The following PPM1E variants were observed in gnomAD, a reference collection of about 807,000 sequenced individuals.
PPM1E encodes protein phosphatase, Mg2+/Mn2+ dependent 1E, also known as protein phosphatase 1E.
Under a neutral mutation model 65.9 loss-of-function variants are expected in PPM1E, and 20 were observed. The ratio of observed to expected loss-of-function variants is 0.30; its 90% CI spans 0.21 to 0.44. PPM1E has a LOEUF of 0.44. PPM1E is among the 20% of genes least tolerant of loss of function. The probability of loss-of-function intolerance (pLI) is 1.00; values close to 1 mark genes in which losing one functional copy is unlikely to be tolerated. For missense variants in PPM1E, 713 were observed against 953.1 expected (o/e 0.75, Z 3.32); for synonymous variants, 352 against 374.9 (o/e 0.94, Z 0.70).
intron 1 of PPM1E, among the ~76,000 whole-genome samples, chr17:58,917,801 A>G (rs931513845): frequency 2.0e-5 from 3 of 151,872 alleles, no homozygotes; most frequent in African/African-American, 7.3e-5. Context: ...TAGTTTTGTC[A>G]TTTTTCATTT....
chr17:58,854,559 C>A (rs2050862066), intron 1 of PPM1E, among the ~76,000 whole-genome samples: 1 of 151,966 alleles, frequency 6.6e-6, no homozygotes, highest in African/African-American at 2.4e-5. Context: ...TCATATATGA[C>A]TTTTATTACA....
At chr17:58,792,491 C>T (rs905969545) in intron 1 of PPM1E, among the ~76,000 whole-genome samples, 9 of 151,188 alleles carry the variant, frequency 6.0e-5, no homozygotes, top group African/African-American at 2.2e-4. Context: ...CAGGTGTGCA[C>T]CACCATGCCC....
intron 1 of PPM1E, among the ~76,000 whole-genome samples, chr17:58,791,099 C>T (rs915193230): frequency 6.6e-6 from 1 of 151,930 alleles, no homozygotes; most frequent in Non-Finnish European, 1.5e-5. Flanking sequence ...ACCATGTTGG[C>T]CAGGCTGGTC....
chr17:58,792,014 T>A (rs984507762), intron 1 of PPM1E, among the ~76,000 whole-genome samples: 3 of 152,138 alleles, frequency 2.0e-5, no homozygotes, highest in Non-Finnish European at 2.9e-5. Context: ...ACCATTCTTA[T>A]TCCCATCTTT....
chr17:58,946,478 G>C (rs1470556167), intron 1 of PPM1E, among the ~76,000 whole-genome samples: 1 of 152,028 alleles, frequency 6.6e-6, no homozygotes, highest in Non-Finnish European at 1.5e-5. Flanking sequence ...GTTTTGTTTT[G>C]AGACAGGGTC....
intron 1 of PPM1E, among the ~76,000 whole-genome samples, chr17:58,860,682 G>A (rs1339130415): frequency 6.6e-6 from 1 of 152,220 alleles, no homozygotes; most frequent in African/African-American, 2.4e-5. Context: ...GCTGGCTCAT[G>A]CCTGTAATCC....
In PPM1E at chr17:58,904,071, G is replaced by A. The variant is rs959309049; in HGVS notation, c.465-51578G>A. ...CTATTCTGAAAGCTGAGATAGAGAAGAAAGTTGAATACATGTCCACTACCC... is the reference window on the plus strand; with the variant it reads ...CTATTCTGAAAGCTGAGATAGAGAAAAAAGTTGAATACATGTCCACTACCC... On this transcript the variant is annotated intron_variant, in intron 1 of 6. Transcript: ENST00000308249. Among the ~76,000 whole-genome samples, 23 of 152,208 alleles carry A rather than the reference G, an allele frequency of 1.5e-4. No individual in the cohort carries two copies. The Middle Eastern group carries it at 0.01, about 68-fold the overall frequency.
intron 1 of PPM1E, among the ~76,000 whole-genome samples, chr17:58,788,943 C>T (rs182733925): frequency 1.3e-5 from 2 of 152,284 alleles, no homozygotes; most frequent in African/African-American, 4.8e-5. Flanking sequence ...CAGAACTCAC[C>T]TAAGCAGCCA....
intron 6 of PPM1E, 52 bp from the exon 7 acceptor site, chr17:58,979,922 C>A: frequency 7.0e-7 from 1 of 1,432,400 alleles, no homozygotes; most frequent in Non-Finnish European, 9.6e-7. Context: ...ACGTTCTTAG[C>A]ATGCAAGGTA....
intron 1 of PPM1E, among the ~76,000 whole-genome samples, chr17:58,819,065 T>G (rs1308355468): frequency 2.6e-5 from 4 of 152,222 alleles, no homozygotes; most frequent in Non-Finnish European, 5.9e-5. Context: ...TAAATCTTTA[T>G]CAAATAAGAT....
chr17:58,905,023 TCAAAAAACAAACAAACAAACAA>T (rs1396424945), intron 1 of PPM1E, among the ~76,000 whole-genome samples: 1 of 150,772 alleles, frequency 6.6e-6, no homozygotes, highest in Non-Finnish European at 1.5e-5. Flanking sequence ...AAACTCCATC[TCAAAAAACAAACAAACAAACAA>T]CAAAAAACAA....
At chr17:58,848,698 C>T (rs1483906549) in intron 1 of PPM1E, among the ~76,000 whole-genome samples, 1 of 152,160 alleles carries the variant, frequency 6.6e-6, no homozygotes, top group Non-Finnish European at 1.5e-5. Flanking sequence ...AGGATTTTTG[C>T]ATTGATGTTC....
intron 1 of PPM1E, among the ~76,000 whole-genome samples, chr17:58,759,464 G>A (rs546179942): frequency 6.6e-6 from 1 of 152,206 alleles, no homozygotes; most frequent in Non-Finnish European, 1.5e-5. Flanking sequence ...GGCTATCTGT[G>A]TAGTTTATAT....
intron 1 of PPM1E, among the ~76,000 whole-genome samples, chr17:58,818,825 T>C (rs549166446): frequency 1.3e-5 from 2 of 152,302 alleles, no homozygotes; most frequent in East Asian, 3.9e-4. Context: ...GCTTGGTACA[T>C]AATTAGTACT....
chr17:58,813,723 A>T (rs1405800969), intron 1 of PPM1E, among the ~76,000 whole-genome samples: 1 of 152,272 alleles, frequency 6.6e-6, no homozygotes, highest in Non-Finnish European at 1.5e-5. Context: ...TTACATTTAA[A>T]GCATTAAATA....
intron 1 of PPM1E, among the ~76,000 whole-genome samples, chr17:58,765,171 CTT>C (rs897429864): frequency 6.9e-6 from 1 of 144,456 alleles, no homozygotes; most frequent in African/African-American, 2.6e-5. Flanking sequence ...GAACATTTTT[CTT>C]TCTTTCTTTT....
In PPM1E at chr17:58,755,873, C is replaced by CG. The variant is rs2049752488; in HGVS notation, c.-125_-124insG. 6.7e-7 allele frequency: 1 copy of CG among 1,498,084 alleles called. No homozygotes were observed. The highest frequency in any genetic ancestry group is 1.4e-5 in the African/African-American group (1 of 72,252). The allele number at this position is 1,498,084 out of a possible 1,614,324, so 92.8% of individuals were successfully genotyped here. A position where few individuals can be genotyped will look rare whatever the true frequency, so the allele number is the denominator to read the frequency against. On this transcript the variant is annotated 5_prime_UTR_variant, in exon 1 of 7. Transcript: ENST00000308249. ...GGAGCCCTCTCCAGGCAACCTAGTG[C>CG]TGATCGCTCGTGCCGGTGCGGCCGT... is the stretch of plus-strand genomic sequence containing the variant.
chr17:58,854,508 T>A (rs2143277256), intron 1 of PPM1E, among the ~76,000 whole-genome samples: 1 of 152,348 alleles, frequency 6.6e-6, no homozygotes, highest in African/African-American at 2.4e-5. Flanking sequence ...GAAAAGCTTT[T>A]CGTCTTTTCA....
intron 2 of PPM1E, among the ~76,000 whole-genome samples, chr17:58,959,077 G>A (rs1305094357): frequency 6.6e-6 from 1 of 152,024 alleles, no homozygotes; most frequent in African/African-American, 2.4e-5. Flanking sequence ...GGGAGGCCGA[G>A]GCAGGCAGAT....
Sources: allele counts gnomAD v4.1 joint callset (sites outside exome capture counted in the v4.1 genomes callset), GRCh38; gene constraint gnomAD v4.1.1; transcripts MANE v1.5; gene names NCBI Gene and HGNC (gene_info 2026-07-23, HGNC 2026-07-21).